Variants in CACNA1C observed in about 807,000 individuals in gnomAD.
The protein encoded by CACNA1C is voltage-dependent L-type calcium channel subunit alpha-1C.
In CACNA1C, 30 loss-of-function variants were observed where a neutral mutation model predicts 229.0. The ratio of observed to expected loss-of-function variants is 0.13; its 90% CI spans 0.10 to 0.18. CACNA1C has a LOEUF of 0.18. CACNA1C is among the 10% of genes least tolerant of loss of function. The pLI, the probability that CACNA1C is intolerant of heterozygous loss-of-function variation, is 1.00. For synonymous variants in CACNA1C, 1,114 were observed against 1,132.5 expected (o/e 0.98, Z 0.33); for missense variants, 1,658 against 2,845.0 (o/e 0.58, Z 9.49).
chr12:2,691,225 TTTTA>T lies in CACNA1C; in HGVS notation c.*30_*33del, dbSNP rs761484337. Reference sequence around the variant, plus strand: ...TGGGCGCTGCCAGATGCGGGCTTTTTTTTATTTGTTTCAATGTTCCTAATGGGTT... The same window carrying T: ...TGGGCGCTGCCAGATGCGGGCTTTTTTTTGTTTCAATGTTCCTAATGGGTT... On this transcript the variant is annotated 3_prime_UTR_variant, in exon 47 of 47. Coordinates refer to ENST00000399655, the MANE Select transcript of CACNA1C (RefSeq NM_000719.7). 2 of 1,514,076 alleles carry T rather than the reference TTTTA, an allele frequency of 1.3e-6. No homozygotes were observed. Among genetic ancestry groups the T allele is most frequent in the South Asian group, 1.4e-5 (1 of 73,944 alleles). 93.8% of individuals were successfully genotyped at this position (1,514,076 alleles called of 1,614,324 possible).
intron 3 of CACNA1C, among the ~76,000 whole-genome samples, chr12:2,236,168 C>T (rs1220751683): frequency 6.6e-6 from 1 of 152,184 alleles, no homozygotes; most frequent in Non-Finnish European, 1.5e-5. Flanking sequence ...TCTCTCAGGA[C>T]AGTACCTTTC....
At chr12:2,206,059 A>G (rs1024582465) in intron 3 of CACNA1C, among the ~76,000 whole-genome samples, 2 of 152,118 alleles carry the variant, frequency 1.3e-5, no homozygotes, top group Admixed American at 6.5e-5. Context: ...CACCATGTAC[A>G]TGGACTGTGC....
intron 1 of CACNA1C, among the ~76,000 whole-genome samples, chr12:1,993,901 G>GC (rs1454323418): frequency 2.6e-5 from 4 of 152,154 alleles, no homozygotes; most frequent in Non-Finnish European, 5.9e-5. Context: ...GTGATATGAA[G>GC]CAACTCTGAA....
chr12:2,107,891 A>G (rs752896171), intron 1 of CACNA1C, among the ~76,000 whole-genome samples: 4 of 152,202 alleles, frequency 2.6e-5, no homozygotes, highest in Non-Finnish European at 4.4e-5. Context: ...CTCTTCCCAC[A>G]AGGACTTTGT....
At chr12:2,302,326 C>T (rs182392385) in intron 3 of CACNA1C, among the ~76,000 whole-genome samples, 5 of 151,902 alleles carry the variant, frequency 3.3e-5, no homozygotes, top group South Asian at 2.1e-4. Flanking sequence ...GCCATAATTG[C>T]TGTGCCCCCT....
intron 9 of CACNA1C, among the ~76,000 whole-genome samples, chr12:2,513,346 A>G (rs1175934332): frequency 1.3e-5 from 2 of 152,234 alleles, no homozygotes; most frequent in African/African-American, 2.4e-5. Flanking sequence ...GTTTAAAAGG[A>G]ACAATGTGTG....
chr12:2,059,963 C>A (rs1476295083), intron 1 of CACNA1C, among the ~76,000 whole-genome samples: 1 of 152,114 alleles, frequency 6.6e-6, no homozygotes, highest in Non-Finnish European at 1.5e-5. Flanking sequence ...AAAATAATTT[C>A]TGCGATGTTA....
At chr12:2,225,539 A>G (rs2062718429) in intron 3 of CACNA1C, among the ~76,000 whole-genome samples, 1 of 152,204 alleles carries the variant, frequency 6.6e-6, no homozygotes, top group East Asian at 1.9e-4. Flanking sequence ...AAATTGCGAT[A>G]CTGCCCCCTG....
chr12:2,159,445 A>C (rs140341557), intron 3 of CACNA1C, among the ~76,000 whole-genome samples: 18 of 152,256 alleles, frequency 1.2e-4, no homozygotes, highest in South Asian at 6.2e-4. Context: ...CAGTGAGTGC[A>C]GTGAGCTGTG....
chr12:2,159,730 A>G (rs2095750215), intron 3 of CACNA1C, among the ~76,000 whole-genome samples: 2 of 150,852 alleles, frequency 1.3e-5, no homozygotes, highest in East Asian at 3.9e-4. Context: ...TCAACCTCCC[A>G]AGTAGCTGAG....
At chr12:2,398,202 C>A (rs1476550984) in intron 3 of CACNA1C, among the ~76,000 whole-genome samples, 1 of 152,242 alleles carries the variant, frequency 6.6e-6, no homozygotes, top group Non-Finnish European at 1.5e-5. Context: ...TGTTCTTGGG[C>A]AAAATCCAAT....
In CACNA1C at chr12:2,550,001, C is replaced by T; in HGVS notation, c.1449C>T (p.Asp483=). Residue 483 remains aspartate, a synonymous_variant, in exon 10 of 47, where the codon GAC becomes GAT. Coordinates refer to ENST00000399655, the MANE Select transcript of CACNA1C (RefSeq NM_000719.7). ...SVNTENVAGG[D]IEGENCGARL... is the part of the protein sequence containing the mutation. ...ACACCGAAAACGTGGCTGGAGGTGA[C>T]ATCGAGGGAGAAAACTGCGGGGCCA... is the stretch of plus-strand genomic sequence containing the variant. 1 of 1,607,920 alleles carries T rather than the reference C, an allele frequency of 6.2e-7. No homozygotes were observed. The highest frequency in any genetic ancestry group is 1.1e-5 in the South Asian group (1 of 89,510).
At chr12:2,641,632 G>C in intron 30 of CACNA1C, 2 of 668,590 alleles carry the variant, frequency 3.0e-6, no homozygotes, top group Admixed American at 4.2e-5. Context: ...GTTTCAAAAT[G>C]AAGTGATTCC....
At chr12:2,263,068 GGGT>G (rs1222807220) in intron 3 of CACNA1C, among the ~76,000 whole-genome samples, 1 of 152,180 alleles carries the variant, frequency 6.6e-6, no homozygotes, top group Non-Finnish European at 1.5e-5. Flanking sequence ...CTTCAGGGTG[GGGT>G]TATAGCTTTT....
rs1049564011 is a variant in CACNA1C, at chr12:2,054,815, G to T, written c.49+1204G>T. ...TTCCCCTGAAAGCCTATCTGTCACT[G>T]CTGGTCTCTGTTCCTTCCCTGGGTT... On this transcript the variant is annotated intron_variant, in intron 1 of 46. Transcript: ENST00000399655. This position sits in a 1 kb window ranked among gnomAD's most constrained non-coding sequence, Gnocchi z 5.5. 6.6e-6 allele frequency among the ~76,000 whole-genome samples: 1 copy of T among 152,154 alleles called. No homozygotes were observed.
At chr12:2,544,703 T>C (rs760022888) in intron 9 of CACNA1C, among the ~76,000 whole-genome samples, 9 of 152,226 alleles carry the variant, frequency 5.9e-5, no homozygotes, top group Non-Finnish European at 1.2e-4. Flanking sequence ...TGCATCCTGC[T>C]GGTTGTGAAA....
chr12:2,662,448 G>A (rs1363211085), intron 34 of CACNA1C, among the ~76,000 whole-genome samples: 1 of 152,156 alleles, frequency 6.6e-6, no homozygotes, highest in Non-Finnish European at 1.5e-5. Flanking sequence ...AATGGACATA[G>A]CTTTTAAAAT....
intron 4 of CACNA1C, among the ~76,000 whole-genome samples, chr12:2,450,511 G>GCA (rs2099357077): frequency 2.6e-5 from 3 of 116,442 alleles, no homozygotes; most frequent in African/African-American, 3.5e-5. Context: ...CCGAGATCAT[G>GCA]CCACTGCACT....
chr12:2,192,032 T>A lies in CACNA1C; in HGVS notation c.477+71602T>A, dbSNP rs946807783. ...CATACGTTCACACATATACACGCAC[T>A]CACACATACAGGCACACACATACAC... On this transcript the variant is annotated intron_variant, in intron 3 of 46. Coordinates refer to ENST00000399655, the MANE Select transcript of CACNA1C (RefSeq NM_000719.7). 4.0e-3 allele frequency among the ~76,000 whole-genome samples: 590 copies of A among 148,130 alleles called. 3 individuals carry two copies. The highest frequency in any genetic ancestry group is 0.011 in the Middle Eastern group (3 of 264).
Sources: allele counts gnomAD v4.1 joint callset (sites outside exome capture counted in the v4.1 genomes callset), GRCh38; gene constraint gnomAD v4.1.1; non-coding constraint Gnocchi (gnomAD v3.1); transcripts MANE v1.5; gene names NCBI Gene and HGNC (gene_info 2026-07-23, HGNC 2026-07-21).